Variants in ZAN observed in about 807,000 individuals in gnomAD.
ZAN encodes the protein zonadhesin (gene/pseudogene).
ZAN carries 260 observed loss-of-function variants against 286.2 expected under a neutral mutation model. The observed-to-expected ratio is 0.91, with a 90% confidence interval of 0.82 to 1.01. The LOEUF is 1.01. Ranked by LOEUF, ZAN falls within the 50% of genes least tolerant of loss-of-function variation. The pLI, the probability that ZAN is intolerant of heterozygous loss-of-function variation, is 0.00. For missense variants in ZAN, 3,410 were observed against 3,639.2 expected, an observed-to-expected ratio of 0.94 and a Z score of 1.62; for synonymous variants, 1,368 against 1,417.5, an observed-to-expected ratio of 0.97 and a Z score of 0.79.
At position 100,786,093 on chromosome 7, in the gene ZAN, C is replaced by A. The variant is rs1811548323; in HGVS notation, c.6931C>A (p.His2311Asn). 2 of 1,614,022 alleles carry A rather than the reference C, an allele frequency of 1.2e-6. No individual in the cohort carries two copies. Among genetic ancestry groups the A allele is most frequent in the African/African-American group, 2.7e-5 (2 of 75,064 alleles). ...CGDFRCPSGS[H>N]CQLTSDNSNS... ...GGACTTCCGATGCCCCTCTGGGTCCCACTGCCAGCTCACTTCCGACAACAG... is the reference window on the plus strand; with the variant it reads ...GGACTTCCGATGCCCCTCTGGGTCCAACTGCCAGCTCACTTCCGACAACAG... Residue 2311 changes from histidine to asparagine, a missense_variant, in exon 37 of 48, where the codon CAC becomes AAC. Around this residue, in one of 7 missense-constraint regions of ZAN, gnomAD observed 1,289 missense variants for 1,314.3 expected, o/e 0.98. Coordinates refer to ENST00000613979, the MANE Select transcript of ZAN (RefSeq NM_003386.3).
At position 100,753,112 on chromosome 7, in the gene ZAN, C is replaced by T; in HGVS notation, c.3007C>T (p.Pro1003Ser). The stretch of plus-strand genomic sequence containing the variant: ...AGAGAAGCTCACAGCCCTGAGGCCA[C>T]CCCATCCCAGCCCCACAGCCACTGG... ...PTEKLTALRP[P>S]HPSPTATGLA... The change falls in exon 14 of 48, where the codon CCC becomes TCC. Residue 1003 changes from proline to serine, a missense_variant. Pro to Ser is a moderately conservative substitution (Grantham distance 74, BLOSUM62 -1). Transcript: ENST00000613979. The T allele has an allele frequency of 4.3e-6, 7 of 1,613,922 alleles. No homozygotes were observed. The South Asian group carries it at 7.7e-5, about 18-fold the overall frequency.
rs752961687 is a variant in ZAN, at chr7:100,736,853, G to A, written c.298G>A (p.Gly100Arg). 10 of 1,483,680 alleles carry A rather than the reference G, an allele frequency of 6.7e-6. 1 individual carries two copies. The African/African-American group carries it at 1.1e-4, about 17-fold the overall frequency. 91.9% of individuals were successfully genotyped at this position (1,483,680 alleles called of 1,614,324 possible). A position where few individuals can be genotyped will look rare whatever the true frequency, so the allele number is the denominator to read the frequency against. The change falls in exon 5 of 48, where the codon GGA (glycine) becomes AGA (arginine). Residue 100 changes from glycine (G) to arginine (R), a missense_variant. Gly to Arg is a moderately radical substitution (Grantham distance 125). Around this residue, in one of 7 missense-constraint regions of ZAN, gnomAD observed 872 missense variants for 938.9 expected, o/e 0.93. Transcript: ENST00000613979. ...HMESNSFHRG[G>R]VARLLSPDLW... is the part of the protein sequence containing the mutation. ...GGAATCGAACAGCTTCCACCGTGGGGGAGTGGCCCGCCTGCTCAGCCCCGA... is the reference window on the plus strand; with the variant it reads ...GGAATCGAACAGCTTCCACCGTGGGAGAGTGGCCCGCCTGCTCAGCCCCGA...
intron 19 of ZAN, among the ~76,000 whole-genome samples, chr7:100,761,242 C>T (rs904318465): frequency 6.6e-6 from 1 of 152,104 alleles, no homozygotes; most frequent in South Asian, 2.1e-4. Flanking sequence ...CAGGGGTTCC[C>T]GCCTGTAGCC....
At position 100,795,302 on chromosome 7, in the gene ZAN, G is replaced by T; in HGVS notation, c.8232G>T (p.Met2744Ile). ...CEVGYGGGLC[M>I]EPRDAPPPRK... ...TTGGTTACGGGGGAGGCCTGTGTAT[G>T]GAGCCTCGAGATGCGCCACCTCCCA... The change falls in exon 45 of 48, where the codon ATG becomes ATT. Residue 2744 changes from methionine to isoleucine, a missense_variant. Met to Ile is a conservative substitution (Grantham distance 10). Around this residue, in one of 7 missense-constraint regions of ZAN, gnomAD observed 1,289 missense variants for 1,314.3 expected, o/e 0.98. Coordinates refer to ENST00000613979, the MANE Select transcript of ZAN (RefSeq NM_003386.3). 6.2e-7 allele frequency: 1 copy of T among 1,603,710 alleles called. No individual in the cohort carries two copies. The highest frequency in any genetic ancestry group is 8.5e-7 in the Non-Finnish European group (1 of 1,174,014).
At chr7:100,761,366 G>A (rs111875086) in intron 19 of ZAN, among the ~76,000 whole-genome samples, 1,603 of 152,072 alleles carry the variant, frequency 0.011, 31 homozygotes, top group African/African-American at 0.037. Flanking sequence ...TTAGCCAGGC[G>A]TAGTGGCCTG....
chr7:100,777,790 C>T (rs1389498634), intron 34 of ZAN, among the ~76,000 whole-genome samples: 6 of 151,730 alleles, frequency 4.0e-5, no homozygotes, highest in Admixed American at 3.9e-4. Context: ...AGGGTCTTGC[C>T]ACTTTTGCCC....
intron 35 of ZAN, among the ~76,000 whole-genome samples, chr7:100,781,886 T>A (rs972210355): frequency 6.6e-6 from 1 of 152,008 alleles, no homozygotes; most frequent in African/African-American, 2.4e-5. Flanking sequence ...GTGATCCACC[T>A]GCCTCAAGCC....
Position 100,748,386 on chromosome 7 carries a change from T to A in ZAN, c.1165T>A (p.Ser389Thr). Residue 389 changes from serine (S) to threonine (T), a missense_variant, in exon 11 of 48, where the codon TCC becomes ACC. Around this residue, in one of 7 missense-constraint regions of ZAN, gnomAD observed 872 missense variants for 938.9 expected, o/e 0.93. Transcript: ENST00000613979. ...AHPFCDWVQTSGDGGHWALGH... is the reference protein window; with the variant it reads ...AHPFCDWVQTTGDGGHWALGH... ...TCCCTTCTGTGACTGGGTCCAGACT[T>A]CCGGGGATGGTGGACACTGGGCCCT... 4 of 1,613,970 alleles carry A rather than the reference T, an allele frequency of 2.5e-6. No individual in the cohort carries two copies. The highest frequency in any genetic ancestry group is 3.4e-6 in the Non-Finnish European group (4 of 1,179,886).
In ZAN at chr7:100,750,694, G is replaced by T. The variant is rs368207969; in HGVS notation, c.1319G>T (p.Arg440Leu). 7.4e-6 allele frequency: 12 copies of T among 1,613,204 alleles called. No individual in the cohort carries two copies. The highest frequency in any genetic ancestry group is 1.0e-5 in the Non-Finnish European group (12 of 1,179,626). The change falls in exon 12 of 48, where the codon CGG becomes CTG. Residue 440 changes from arginine (R) to leucine (L), a missense_variant. Arg to Leu is a moderately radical substitution (Grantham distance 102). Transcript: ENST00000613979. ...GGCCAGTCAGTCAGACTGGTGAGCC[G>T]GCCCTTCTGCGCCCCAGGTGACATC... ...QAGQSVRLVS[R>L]PFCAPGDICV...
At chr7:100,739,338 A>G (rs1298984942) in intron 7 of ZAN, among the ~76,000 whole-genome samples, 1 of 137,696 alleles carries the variant, frequency 7.3e-6, no homozygotes, top group African/African-American at 2.6e-5. Flanking sequence ...TTCAAGAAAT[A>G]CTGAGCACCT....
intron 14 of ZAN, among the ~76,000 whole-genome samples, chr7:100,754,072 C>T (rs1808979025): frequency 6.6e-6 from 1 of 152,102 alleles, no homozygotes; most frequent in South Asian, 2.1e-4. Flanking sequence ...AATCATGCAA[C>T]ATGTGAGCCT....
In ZAN at chr7:100,792,107, T is replaced by C; in HGVS notation, c.7671T>C (p.Phe2557=). ...TGCTGGCAGACCCCCAGGGCCCCTT[T>C]GCTGCCTGTCACCAGACGGTGGCCC... The part of the protein sequence containing the change: ...CRVLADPQGP[F]AACHQTVAPE... Residue 2557 remains phenylalanine, a synonymous_variant, in exon 41 of 48, where the codon TTT becomes TTC. Coordinates refer to ENST00000613979, the MANE Select transcript of ZAN (RefSeq NM_003386.3). The C allele has an allele frequency of 6.2e-7, 1 of 1,612,548 alleles. No homozygotes were observed. The highest frequency in any genetic ancestry group is 8.5e-7 in the Non-Finnish European group (1 of 1,179,616).
chr7:100,780,677 C>CA (rs1811139763), intron 35 of ZAN, among the ~76,000 whole-genome samples: 1 of 151,580 alleles, frequency 6.6e-6, no homozygotes, highest in Non-Finnish European at 1.5e-5. Flanking sequence ...AAATTCTCCC[C>CA]AAAAAACAAA....
intron 15 of ZAN, among the ~76,000 whole-genome samples, chr7:100,757,067 T>TG (rs1809200006): frequency 6.6e-6 from 1 of 152,100 alleles, no homozygotes; most frequent in Non-Finnish European, 1.5e-5. Context: ...CGCGCCTGGC[T>TG]GTATTCACTT....
Position 100,736,641 on chromosome 7 carries a change from T to C in ZAN, c.253+12T>C, listed in dbSNP as rs1807315303. 1 of 1,520,886 alleles carries C rather than the reference T, an allele frequency of 6.6e-7. No homozygotes were observed. The highest frequency in any genetic ancestry group is 9.0e-7 in the Non-Finnish European group (1 of 1,107,220). 94.2% of individuals were successfully genotyped at this position (1,520,886 alleles called of 1,614,324 possible). A position where few individuals can be genotyped will look rare whatever the true frequency, so the allele number is the denominator to read the frequency against. ...GTACCCTAACGGAGGTGAGGGGCTA[T>C]GGTTTCCAGGGGACCATGAGCAGGG... On this transcript the variant is annotated intron_variant, in intron 4 of 47. Coordinates refer to ENST00000613979, the MANE Select transcript of ZAN (RefSeq NM_003386.3).
At position 100,736,435 on chromosome 7, in the gene ZAN, C is replaced by T. The variant is rs1282683691; in HGVS notation, c.107-48C>T. The T allele has an allele frequency of 2.0e-6, 3 of 1,506,290 alleles. 1 individual carries two copies. Among genetic ancestry groups the T allele is most frequent in the East Asian group, 2.3e-5 (1 of 43,776 alleles). 93.3% of individuals were successfully genotyped at this position (1,506,290 alleles called of 1,614,324 possible). On this transcript the variant is annotated intron_variant, in intron 3 of 47. Coordinates refer to ENST00000613979, the MANE Select transcript of ZAN (RefSeq NM_003386.3). ...TTCCCTCTCCCTGTGTGGCTCTGGG[C>T]CCTGCCCCTGCCCTCTCTGAAACCT...
chr7:100,764,030 A>C lies in ZAN; in HGVS notation c.4101A>C (p.Thr1367=). The stretch of plus-strand genomic sequence containing the variant: ...CTGACTTGGTCACTCCCCTCAGGAC[A>C]TGCCTGCTGCACGTGAAGGCCGCTT... ...RLVDTHGPFE[T]CLLHVKAASF... Residue 1367 remains threonine (T), a synonymous_variant, in exon 22 of 48, where the codon ACA becomes ACC. Transcript: ENST00000613979. The C allele has an allele frequency of 6.2e-7, 1 of 1,613,840 alleles. No individual in the cohort carries two copies. Among genetic ancestry groups the C allele is most frequent in the Non-Finnish European group, 8.5e-7 (1 of 1,179,834 alleles).
intron 7 of ZAN, among the ~76,000 whole-genome samples, chr7:100,745,907 C>G (rs528696357): frequency 6.6e-6 from 1 of 150,856 alleles, no homozygotes; most frequent in Non-Finnish European, 1.5e-5. Context: ...AAGGAACAGG[C>G]TATGACTCTA....
At chr7:100,755,153 G>T in intron 14 of ZAN, 73 bp from the exon 15 acceptor site, 1 of 1,499,288 alleles carries the variant, frequency 6.7e-7, no homozygotes, top group South Asian at 1.3e-5. Context: ...GAGTTTGGGG[G>T]TAGAGGAGAG....
Sources: gnomAD v4.1 joint callset for allele counts (sites outside exome capture counted in the v4.1 genomes callset) on GRCh38, gnomAD v4.1.1 for gene constraint, gnomAD v4.1.1 regional missense constraint, MANE v1.5 for transcripts, NCBI Gene and HGNC (gene_info 2026-07-23, HGNC 2026-07-21) for gene names.